PDE11A: variants seen among roughly 807,000 people sequenced by gnomAD.
The protein encoded by PDE11A is dual 3',5'-cyclic-AMP and -GMP phosphodiesterase 11A.
A neutral mutation model predicts 100.5 loss-of-function variants in PDE11A; 100 were observed. The observed-to-expected ratio is 1.00, with a 90% confidence interval of 0.85 to 1.18. The LOEUF (loss-of-function observed/expected upper bound fraction) is 1.18, where lower values mean the gene tolerates loss of function less well. Among genes scored for constraint, PDE11A ranks in the 50% most tolerant of loss-of-function variants. The pLI, the probability that PDE11A is intolerant of heterozygous loss-of-function variation, is 0.00. For synonymous variants in PDE11A, 381 were observed against 420.8 expected (o/e 0.91, Z 1.16); for missense variants, 1,141 against 1,152.6 (o/e 0.99, Z 0.15).
In PDE11A at chr2:177,877,944, A is replaced by G. The variant is rs1574244187; in HGVS notation, c.1303-2021T>C. On this transcript the variant is annotated intron_variant, in intron 4 of 19. Transcript: ENST00000286063. ...CAAAGGCCTTTTAAATTAACCACTT[A>G]CAAGGAATTGATGAGCACCTGAGAA... is the stretch of plus-strand genomic sequence containing the variant. Among the ~76,000 whole-genome samples, 11 of 152,202 alleles carry G rather than the reference A, an allele frequency of 7.2e-5. No homozygotes were observed. In the South Asian group the frequency reaches 2.3e-3, roughly 32 times the overall value.
rs1405417004 is a variant in PDE11A at position 177,905,130 on chromosome 2, C to T, written c.1129G>A (p.Ala377Thr). 4.4e-6 allele frequency: 7 copies of T among 1,607,206 alleles called. No individual in the cohort carries two copies. Among genetic ancestry groups the T allele is most frequent in the South Asian group, 1.1e-5 (1 of 90,934 alleles). The change falls in exon 3 of 20, where the codon GCT (alanine) becomes ACT (threonine). Residue 377 changes from alanine to threonine, a missense_variant. Physicochemically the swap from Ala to Thr is moderately conservative, Grantham distance 58. Coordinates refer to ENST00000286063, the MANE Select transcript of PDE11A (RefSeq NM_016953.4). Reference sequence around the variant, plus strand: ...CTTTCATATTCTTTCCTTGAGGCAGCAAAGAGCTGAGCGTTAGATATGGCG... The same window carrying T: ...CTTTCATATTCTTTCCTTGAGGCAGTAAAGAGCTGAGCGTTAGATATGGCG... ...GIAISNAQLF[A>T]ASRKEYERSR... is the part of the protein sequence containing the mutation.
chr2:177,903,409 A>T (rs1051065666), intron 3 of PDE11A, among the ~76,000 whole-genome samples: 3 of 152,186 alleles, frequency 2.0e-5, no homozygotes, highest in Admixed American at 6.6e-5. Context: ...TATGCAATTT[A>T]AAAAAATTGT....
intron 3 of PDE11A, among the ~76,000 whole-genome samples, chr2:177,901,801 G>C (rs1208256828): frequency 6.6e-6 from 1 of 152,116 alleles, no homozygotes; most frequent in African/African-American, 2.4e-5. Context: ...TCTTCAGATG[G>C]ATCATATTAA....
chr2:178,034,337 T>C (rs1009478830), intron 1 of PDE11A, among the ~76,000 whole-genome samples: 2 of 152,152 alleles, frequency 1.3e-5, no homozygotes. Flanking sequence ...ATCCTAAATA[T>C]ATATGTACCC....
intron 2 of PDE11A, among the ~76,000 whole-genome samples, chr2:177,950,876 A>T (rs1241519793): frequency 6.6e-6 from 1 of 152,204 alleles, no homozygotes; most frequent in Non-Finnish European, 1.5e-5. Flanking sequence ...GCGGCACTGC[A>T]TTCCAAGATA....
At chr2:178,064,652 T>TAA (rs77529888) in intron 1 of PDE11A, among the ~76,000 whole-genome samples, 3 of 138,906 alleles carry the variant, frequency 2.2e-5, no homozygotes, top group African/African-American at 5.3e-5. Flanking sequence ...GTTATTATGT[T>TAA]AAAAAAAAAA....
intron 2 of PDE11A, among the ~76,000 whole-genome samples, chr2:178,099,951 C>T (rs1321956737): frequency 2.0e-5 from 3 of 152,122 alleles, no homozygotes; most frequent in Non-Finnish European, 4.4e-5. Flanking sequence ...AATTTCAACA[C>T]GTTATAACAT....
At chr2:178,051,320 A>T (rs2086824003) in intron 1 of PDE11A, among the ~76,000 whole-genome samples, 1 of 152,218 alleles carries the variant, frequency 6.6e-6, no homozygotes, top group Non-Finnish European at 1.5e-5. Context: ...AGATTTTGTC[A>T]ACACCAGGCC....
At chr2:178,067,433 G>A (rs2087061985) in intron 1 of PDE11A, among the ~76,000 whole-genome samples, 1 of 151,920 alleles carries the variant, frequency 6.6e-6, no homozygotes, top group South Asian at 2.1e-4. Flanking sequence ...TCATATATAT[G>A]CAATATGCAA....
chr2:177,882,755 T>C (rs1479145447), intron 4 of PDE11A, among the ~76,000 whole-genome samples: 1 of 152,202 alleles, frequency 6.6e-6, no homozygotes, highest in Admixed American at 6.5e-5. Context: ...AAAAGCTCCA[T>C]GGACAGAAGT....
chr2:177,895,030 A>AT (rs1417671208), intron 4 of PDE11A, among the ~76,000 whole-genome samples: 1 of 151,680 alleles, frequency 6.6e-6, no homozygotes, highest in Non-Finnish European at 1.5e-5. Context: ...TTCTGTTTGT[A>AT]TTTTCCCTGG....
Position 177,905,199 on chromosome 2 carries a change from A to G in PDE11A, c.1072-12T>C, listed in dbSNP as rs545018463. On this transcript the variant is annotated splice_polypyrimidine_tract_variant and intron_variant, in intron 2 of 19. Transcript: ENST00000286063. Reference sequence around the variant, plus strand: ...TACATCTGCATAACCTGGGACAAAGAGAGTAGTAAGAACATTAAAACATAA... The same window carrying G: ...TACATCTGCATAACCTGGGACAAAGGGAGTAGTAAGAACATTAAAACATAA... The G allele has an allele frequency of 1.3e-4, 192 of 1,452,206 alleles. 3 individuals are homozygous for G. In the South Asian group the frequency reaches 2.1e-3, roughly 16 times the overall value. The allele number at this position is 1,452,206 out of a possible 1,614,324, so 90.0% of individuals were successfully genotyped here.
intron 5 of PDE11A, among the ~76,000 whole-genome samples, chr2:177,842,407 C>A (rs2083506286): frequency 6.6e-6 from 1 of 152,128 alleles, no homozygotes. Context: ...ACAAAAGACA[C>A]AAATGCAGCA....
intron 1 of PDE11A, among the ~76,000 whole-genome samples, chr2:178,061,315 G>T (rs1016060719): frequency 2.6e-5 from 4 of 152,058 alleles, no homozygotes; most frequent in Non-Finnish European, 5.9e-5. Context: ...GACTAGGCAA[G>T]TATCTAGTGG....
chr2:177,702,424 G>A (rs550809932), intron 13 of PDE11A: 1 of 152,264 alleles, frequency 6.6e-6, no homozygotes, highest in African/African-American at 2.4e-5. Context: ...CAGTGTAAAC[G>A]GCAGCCATGG....
chr2:178,033,646 G>A (rs1173339093), intron 1 of PDE11A, among the ~76,000 whole-genome samples: 1 of 152,202 alleles, frequency 6.6e-6, no homozygotes, highest in Non-Finnish European at 1.5e-5. Context: ...AGAGCAGCCA[G>A]AGAGAAAGGT....
chr2:177,781,141 A>T (rs748671168), intron 9 of PDE11A, among the ~76,000 whole-genome samples: 6 of 152,168 alleles, frequency 3.9e-5, no homozygotes, highest in Admixed American at 6.5e-5. Flanking sequence ...TAGGGTTATT[A>T]CTTGGCCTAA....
At chr2:177,844,309 G>A (rs552478672) in intron 5 of PDE11A, among the ~76,000 whole-genome samples, 24 of 152,172 alleles carry the variant, frequency 1.6e-4, no homozygotes, top group African/African-American at 5.8e-4. Context: ...TAGAAAGAAT[G>A]AGGGATCTCT....
chr2:177,946,100 TG>T (rs1196277878), intron 2 of PDE11A, among the ~76,000 whole-genome samples: 1,200 of 42,952 alleles, frequency 0.028, 60 homozygotes, highest in African/African-American at 0.088. Context: ...GGGATGGAGG[TG>T]GGGGGGGGTC....
Sources: gnomAD v4.1 joint callset for allele counts (sites outside exome capture counted in the v4.1 genomes callset) on GRCh38, gnomAD v4.1.1 for gene constraint, MANE v1.5 for transcripts, NCBI Gene and HGNC (gene_info 2026-07-23, HGNC 2026-07-21) for gene names.